The following MICU1 variants were observed in gnomAD, a reference collection of about 807,000 sequenced individuals.
The protein encoded by MICU1 is mitochondrial calcium uptake 1, also known as calcium uptake protein 1, mitochondrial.
Under a neutral mutation model 56.8 loss-of-function variants are expected in MICU1, and 45 were observed. The ratio of observed to expected loss-of-function variants is 0.79; its 90% CI spans 0.62 to 1.02. The LOEUF is 1.02. Among genes scored for constraint, MICU1 ranks in the 50% least tolerant of loss-of-function variants. The pLI is 0.00. For synonymous variants in MICU1, 186 were observed against 195.1 expected (o/e 0.95, Z 0.39); for missense variants, 504 against 587.1 (o/e 0.86, Z 1.46).
intron 8 of MICU1, among the ~76,000 whole-genome samples, chr10:72,448,773 T>C (rs1238595005): frequency 6.6e-6 from 1 of 151,990 alleles, no homozygotes; most frequent in Non-Finnish European, 1.5e-5. Flanking sequence ...AAAGAAAATA[T>C]TTTCCCCCTT....
intron 8 of MICU1, among the ~76,000 whole-genome samples, chr10:72,443,966 C>A (rs1330734207): frequency 4.1e-5 from 6 of 147,586 alleles, no homozygotes; most frequent in African/African-American, 1.6e-4. Flanking sequence ...AGACTTGGAA[C>A]CAACCCAAAT....
chr10:72,396,024 T>C (rs927484615), intron 10 of MICU1, among the ~76,000 whole-genome samples: 1 of 152,122 alleles, frequency 6.6e-6, no homozygotes, highest in South Asian at 2.1e-4. Context: ...CAACTCCCAG[T>C]AGGGGCCGAC....
intron 1 of MICU1, among the ~76,000 whole-genome samples, chr10:72,571,303 G>C (rs775798168): frequency 6.6e-6 from 1 of 152,188 alleles, no homozygotes; most frequent in Non-Finnish European, 1.5e-5. Context: ...GGCGGAGGTT[G>C]TAGTGAGCCG....
chr10:72,575,965 G>A (rs1297885046), intron 1 of MICU1, among the ~76,000 whole-genome samples: 1 of 152,138 alleles, frequency 6.6e-6, no homozygotes, highest in Non-Finnish European at 1.5e-5. Flanking sequence ...TGTAATCCCA[G>A]CACTTTGGGA....
At chr10:72,369,771 C>T (rs1391373609) in intron 11 of MICU1, among the ~76,000 whole-genome samples, 22 of 151,916 alleles carry the variant, frequency 1.4e-4, no homozygotes, top group South Asian at 6.2e-4. Flanking sequence ...TGCAGTGGCG[C>T]GATCTCAGCT....
chr10:72,430,426 T>C (rs1167833997), intron 8 of MICU1, among the ~76,000 whole-genome samples: 6 of 152,118 alleles, frequency 3.9e-5, no homozygotes, highest in East Asian at 1.9e-4. Context: ...ATTTGACATA[T>C]ACATAATAAT....
chr10:72,378,752 C>T (rs1862607218), intron 10 of MICU1, among the ~76,000 whole-genome samples: 1 of 152,162 alleles, frequency 6.6e-6, no homozygotes, highest in Admixed American at 6.5e-5. Context: ...TCTGGCCCCA[C>T]CACCAACGTG....
At chr10:72,540,911 C>G (rs1049494763) in intron 4 of MICU1, among the ~76,000 whole-genome samples, 9 of 152,138 alleles carry the variant, frequency 5.9e-5, no homozygotes, top group Admixed American at 1.3e-4. Context: ...GGCCAGTGGT[C>G]TAAAAAGTTA....
intron 5 of MICU1, among the ~76,000 whole-genome samples, chr10:72,511,463 G>A (rs1867444705): frequency 6.6e-6 from 1 of 152,168 alleles, no homozygotes; most frequent in Non-Finnish European, 1.5e-5. Context: ...AGAACACTTT[G>A]AGCAGAAGAA....
chr10:72,579,125 T>G (rs946670868), intron 1 of MICU1, among the ~76,000 whole-genome samples: 1 of 152,178 alleles, frequency 6.6e-6, no homozygotes, highest in Non-Finnish European at 1.5e-5. Flanking sequence ...TTAGTAAACA[T>G]CTTTCCTGAA....
At chr10:72,620,318 G>A (rs1192982121) in intron 1 of MICU1, among the ~76,000 whole-genome samples, 4 of 152,054 alleles carry the variant, frequency 2.6e-5, no homozygotes, top group African/African-American at 9.7e-5. Flanking sequence ...CCAAGCAGCT[G>A]GGATTACAGG....
chr10:72,551,147 T>G (rs781110919), intron 4 of MICU1, 32 bp downstream of exon 4: 39 of 1,561,984 alleles, frequency 2.5e-5, no homozygotes, highest in Non-Finnish European at 3.2e-5. Context: ...AAAATAAATA[T>G]CACAGTCTTA....
At chr10:72,525,365 TG>T (rs1408630187) in intron 5 of MICU1, among the ~76,000 whole-genome samples, 1 of 152,226 alleles carries the variant, frequency 6.6e-6, no homozygotes, top group East Asian at 1.9e-4. Context: ...TAAAATTTCT[TG>T]ACTGAAAAAT....
At chr10:72,536,645 C>T (rs1839644901) in intron 4 of MICU1, among the ~76,000 whole-genome samples, 1 of 151,630 alleles carries the variant, frequency 6.6e-6, no homozygotes, top group Admixed American at 6.6e-5. Context: ...GCCACCGTGC[C>T]CAGACAAAAA....
intron 1 of MICU1, among the ~76,000 whole-genome samples, chr10:72,611,010 T>TA (rs910143677): frequency 1.5e-4 from 23 of 151,378 alleles, no homozygotes; most frequent in African/African-American, 3.4e-4. Context: ...TTTTGTTGTT[T>TA]AAAAAAAAAC....
chr10:72,402,692 T>C (rs1283292621), intron 10 of MICU1, among the ~76,000 whole-genome samples: 1 of 152,154 alleles, frequency 6.6e-6, no homozygotes, highest in African/African-American at 2.4e-5. Context: ...AACACATTTT[T>C]AGATAACCCA....
intron 1 of MICU1, among the ~76,000 whole-genome samples, chr10:72,582,274 T>C (rs1208941904): frequency 6.6e-6 from 1 of 152,210 alleles, no homozygotes. Flanking sequence ...GTCTCATTCA[T>C]TTAAGCAAAT....
intron 1 of MICU1, among the ~76,000 whole-genome samples, chr10:72,569,927 C>T (rs1332929738): frequency 6.6e-6 from 1 of 152,028 alleles, no homozygotes; most frequent in African/African-American, 2.4e-5. Flanking sequence ...TCTCAAAGCA[C>T]AGTTCACTGA....
intron 1 of MICU1, among the ~76,000 whole-genome samples, chr10:72,625,710 C>A (rs764747410): frequency 6.6e-6 from 1 of 152,136 alleles, no homozygotes; most frequent in African/African-American, 2.4e-5. Flanking sequence ...AGGAGGGGGG[C>A]GTCGGCGCCA....
Sources: gnomAD v4.1 joint callset for allele counts (sites outside exome capture counted in the v4.1 genomes callset) on GRCh38, gnomAD v4.1.1 for gene constraint, MANE v1.5 for transcripts, NCBI Gene and HGNC (gene_info 2026-07-23, HGNC 2026-07-21) for gene names.